Variants in STX8 observed in about 807,000 individuals in gnomAD.
STX8 encodes syntaxin 8, also known as syntaxin-8.
A neutral mutation model predicts 37.5 loss-of-function variants in STX8; 23 were observed. That is an observed-to-expected ratio of 0.61 (90% CI 0.44 to 0.87). STX8 has a LOEUF of 0.87. Among genes scored for constraint, STX8 ranks in the 40% least tolerant of loss-of-function variants. The probability of loss-of-function intolerance (pLI) is 0.00; values close to 1 mark genes in which losing one functional copy is unlikely to be tolerated. For synonymous variants in STX8, 115 were observed against 99.1 expected, an observed-to-expected ratio of 1.16 and a Z score of -0.95; for missense variants, 313 against 284.7, an observed-to-expected ratio of 1.10 and a Z score of -0.71.
chr17:9,528,580 T>C (rs776739865), intron 4 of STX8, among the ~76,000 whole-genome samples: 23 of 152,166 alleles, frequency 1.5e-4, no homozygotes, highest in Non-Finnish European at 2.6e-4. Context: ...AGTGCTGGGA[T>C]TACAGGCGTG....
rs150916162 is a variant in STX8, at chr17:9,416,432, C to T, written c.542-37779G>A. Among the ~76,000 whole-genome samples the T allele has an allele frequency of 4.4e-3, 670 of 151,938 alleles. 6 individuals carry two copies. Among genetic ancestry groups the T allele is most frequent in the African/African-American group, 0.015 (615 of 41,334 alleles). On this transcript the variant is annotated intron_variant, in intron 6 of 7. Coordinates refer to ENST00000306357, the MANE Select transcript of STX8 (RefSeq NM_004853.3). ...TTGCCCAGGCTGGAGTACAGTAGCA[C>T]GATCTCAGTTCACTGAAACGTCCAC...
chr17:9,342,962 A>C (rs201364333), intron 7 of STX8, among the ~76,000 whole-genome samples: 2 of 148,694 alleles, frequency 1.3e-5, no homozygotes, highest in African/African-American at 5.0e-5. Flanking sequence ...CGGAGGTTGC[A>C]GTGAGCCAAG....
In STX8 at chr17:9,378,582, T is replaced by G; in HGVS notation, c.613A>C (p.Asn205His). 2 of 1,613,874 alleles carry G rather than the reference T, an allele frequency of 1.2e-6. No homozygotes were observed. The highest frequency in any genetic ancestry group is 1.7e-6 in the Non-Finnish European group (2 of 1,179,808). ...EKLRNETRRVNMVDRKSASCG... is the reference protein window; with the variant it reads ...EKLRNETRRVHMVDRKSASCG... ...GAGGCTGACTTTCTGTCCACCATGTTTACCCGCCTGGTTTCATTGCGAAGT... is the reference window on the plus strand; with the variant it reads ...GAGGCTGACTTTCTGTCCACCATGTGTACCCGCCTGGTTTCATTGCGAAGT... The change falls in exon 7 of 8, where the codon AAC (asparagine) becomes CAC (histidine). Residue 205 changes from asparagine (N) to histidine (H), a missense_variant. Physicochemically the swap from Asn to His is moderately conservative, Grantham distance 68. Transcript: ENST00000306357.
rs1403446809 is a variant in STX8 at position 9,416,092 on chromosome 17, T to C, written c.542-37439A>G. On this transcript the variant is annotated intron_variant, in intron 6 of 7. Transcript: ENST00000306357. ...CCCTATCTCCAAGTGTCTCCAGAGC[T>C]GTGCTGACGTGAAGGTTTCCTGTTA... is the stretch of plus-strand genomic sequence containing the variant. Among the ~76,000 whole-genome samples, 7 of 152,226 alleles carry C rather than the reference T, an allele frequency of 4.6e-5. No individual in the cohort carries two copies. The East Asian group carries it at 1.3e-3, about 29-fold the overall frequency.
chr17:9,364,141 T>C (rs1220253911), intron 7 of STX8, among the ~76,000 whole-genome samples: 1 of 152,134 alleles, frequency 6.6e-6, no homozygotes, highest in Non-Finnish European at 1.5e-5. Context: ...CCAAACCCCA[T>C]GAGCAATCGC....
chr17:9,476,853 C>CT (rs916959843), intron 6 of STX8, among the ~76,000 whole-genome samples: 26 of 151,316 alleles, frequency 1.7e-4, no homozygotes, highest in Non-Finnish European at 3.7e-4. Flanking sequence ...GCCTCTTTTT[C>CT]TTTTTTTTGT....
chr17:9,276,105 G>A (rs1253150914), intron 7 of STX8, among the ~76,000 whole-genome samples: 2 of 42,914 alleles, frequency 4.7e-5, no homozygotes, highest in Non-Finnish European at 1.5e-4. Context: ...TCTACCCCCT[G>A]ATCCCACCCA....
In STX8 at chr17:9,572,478, C is replaced by T. The variant is rs549742049; in HGVS notation, c.17+3314G>A. 5.0e-3 allele frequency among the ~76,000 whole-genome samples: 766 copies of T among 152,242 alleles called. 7 individuals carry two copies. Among genetic ancestry groups the T allele is most frequent in the African/African-American group, 0.018 (740 of 41,542 alleles). ...AGGCTGAAGTGCAGTGGCGCAATCTCGGCTCACTGCAACCTCCACCTCCTG... is the reference window on the plus strand; with the variant it reads ...AGGCTGAAGTGCAGTGGCGCAATCTTGGCTCACTGCAACCTCCACCTCCTG... On this transcript the variant is annotated intron_variant, in intron 1 of 7. Transcript: ENST00000306357.
rs1290028950 is a variant in STX8, at chr17:9,440,532, T to TTA, written c.541+51296_541+51297insTA. Among the ~76,000 whole-genome samples, 229 of 151,772 alleles carry TTA rather than the reference T, an allele frequency of 1.5e-3. 1 individual carries two copies. Among genetic ancestry groups the TTA allele is most frequent in the Middle Eastern group, 6.8e-3 (2 of 294 alleles). The stretch of plus-strand genomic sequence containing the variant: ...AATCATAGTGAATCAATGATTTTTT[T>TTA]TTTTTTTTTTGAGACGGAGTCTCGC... On this transcript the variant is annotated intron_variant, in intron 6 of 7. Coordinates refer to ENST00000306357, the MANE Select transcript of STX8 (RefSeq NM_004853.3).
intron 7 of STX8, among the ~76,000 whole-genome samples, chr17:9,370,453 G>A (rs541745231): frequency 3.9e-5 from 6 of 152,162 alleles, no homozygotes; most frequent in African/African-American, 1.4e-4. Flanking sequence ...CAGGACTGTC[G>A]GACGCCACAC....
chr17:9,490,528 C>T (rs1906810796), intron 6 of STX8, among the ~76,000 whole-genome samples: 1 of 152,028 alleles, frequency 6.6e-6, no homozygotes, highest in South Asian at 2.1e-4. Context: ...TGGGCCACCA[C>T]GCCCAGCTAA....
In STX8 at chr17:9,575,651, C is replaced by G. The variant is rs953313724; in HGVS notation, c.17+141G>C. Reference sequence around the variant, plus strand: ...AGTGTGGCGGGATGTGGCTGAGCCCCCTCAGTAAAGGAAAGGTCTCGCTGC... The same window carrying G: ...AGTGTGGCGGGATGTGGCTGAGCCCGCTCAGTAAAGGAAAGGTCTCGCTGC... On this transcript the variant is annotated intron_variant, in intron 1 of 7. Coordinates refer to ENST00000306357, the MANE Select transcript of STX8 (RefSeq NM_004853.3). 6.9e-5 allele frequency: 72 copies of G among 1,040,750 alleles called. 1 individual carries two copies. Among genetic ancestry groups the G allele is most frequent in the Admixed American group, 5.1e-4 (23 of 45,118 alleles). 64.5% of individuals were successfully genotyped at this position (1,040,750 alleles called of 1,614,324 possible).
intron 7 of STX8, among the ~76,000 whole-genome samples, chr17:9,335,299 G>T (rs1266590955): frequency 1.3e-5 from 2 of 152,344 alleles, no homozygotes; most frequent in Non-Finnish European, 2.9e-5. Flanking sequence ...TTCTACAGAA[G>T]TAAAATTGCC....
intron 7 of STX8, among the ~76,000 whole-genome samples, chr17:9,350,628 G>C (rs1278475366): frequency 6.6e-6 from 1 of 152,122 alleles, no homozygotes; most frequent in African/African-American, 2.4e-5. Context: ...TGCCTCCCAG[G>C]TTCAAGTGAT....
chr17:9,299,857 G>A (rs529467661), intron 7 of STX8, among the ~76,000 whole-genome samples: 2 of 152,294 alleles, frequency 1.3e-5, no homozygotes, highest in South Asian at 4.1e-4. Flanking sequence ...TAAATGTAAT[G>A]TAAACTCCTT....
chr17:9,522,733 T>C (rs2142527656), intron 4 of STX8, among the ~76,000 whole-genome samples: 1 of 150,296 alleles, frequency 6.7e-6, no homozygotes, highest in South Asian at 2.1e-4. Context: ...GTTGATATCA[T>C]ACAAGCAGTG....
chr17:9,308,525 C>G (rs1212450754), intron 7 of STX8, among the ~76,000 whole-genome samples: 1 of 152,014 alleles, frequency 6.6e-6, no homozygotes, highest in Non-Finnish European at 1.5e-5. Context: ...GAGTTCGAGA[C>G]CAGCCTGGCC....
At chr17:9,387,439 CG>C (rs1355094702) in intron 6 of STX8, among the ~76,000 whole-genome samples, 2 of 152,166 alleles carry the variant, frequency 1.3e-5, no homozygotes, top group Non-Finnish European at 2.9e-5. Context: ...GGACTACAGG[CG>C]CCCGCCACCA....
intron 4 of STX8, among the ~76,000 whole-genome samples, chr17:9,538,371 C>A (rs1344550090): frequency 1.3e-5 from 2 of 152,176 alleles, no homozygotes; most frequent in African/African-American, 4.8e-5. Context: ...ATCAATGATT[C>A]TTTAGGAAAT....
Sources: gnomAD v4.1 joint callset for allele counts (sites outside exome capture counted in the v4.1 genomes callset) on GRCh38, gnomAD v4.1.1 for gene constraint, MANE v1.5 for transcripts, NCBI Gene and HGNC (gene_info 2026-07-23, HGNC 2026-07-21) for gene names.